The following TECPR1 variants were observed in gnomAD, a reference collection of about 807,000 sequenced individuals.
TECPR1 encodes tectonin beta-propeller repeat-containing protein 1.
TECPR1 carries 122 observed loss-of-function variants against 162.4 expected under a neutral mutation model. The ratio of observed to expected loss-of-function variants is 0.75; its 90% CI spans 0.65 to 0.87. The LOEUF (loss-of-function observed/expected upper bound fraction) is 0.87. Among genes scored for constraint, TECPR1 ranks in the 40% least tolerant of loss-of-function variants. TECPR1 has a pLI of 0.00. For synonymous variants in TECPR1, 642 were observed against 670.6 expected (o/e 0.96, Z 0.66); for missense variants, 1,432 against 1,618.2 (o/e 0.88, Z 1.97).
At chr7:98,237,777 GT>G in intron 9 of TECPR1, among the ~76,000 whole-genome samples, 1 of 147,912 alleles carries the variant, frequency 6.8e-6, no homozygotes, top group East Asian at 2.1e-4. Context: ...AATGTTTTTG[GT>G]TTTTTTTAGA....
At chr7:98,246,249 GTGA>G in intron 2 of TECPR1, 84 bp from the exon 3 acceptor site, 1 of 763,250 alleles carries the variant, frequency 1.3e-6, no homozygotes, top group Non-Finnish European at 2.1e-6. Context: ...GACTTCTACT[GTGA>G]CTATTTATTC....
At position 98,214,818 on chromosome 7, in the gene TECPR1, T is replaced by C. The variant is rs1183488366; in HGVS notation, c.*2572A>G. On this transcript the variant is annotated 3_prime_UTR_variant, in exon 26 of 26. Coordinates refer to ENST00000447648, the MANE Select transcript of TECPR1 (RefSeq NM_015395.3). The stretch of plus-strand genomic sequence containing the variant: ...GGACAATGGCCTCAGTGGCTCTTTC[T>C]TTCTGCCCTGAACTGGCACCTGCAC... The C allele has an allele frequency of 6.6e-6, 1 of 152,436 alleles. No individual in the cohort carries two copies. Among genetic ancestry groups the C allele is most frequent in the Non-Finnish European group, 1.5e-5 (1 of 68,220 alleles). The allele number at this position is 152,436 out of a possible 1,614,324, so 9.4% of individuals were successfully genotyped here.
chr7:98,242,422 C>T (rs1245418077), intron 6 of TECPR1, among the ~76,000 whole-genome samples: 9 of 152,072 alleles, frequency 5.9e-5, no homozygotes, highest in African/African-American at 2.2e-4. Flanking sequence ...CCTACCCACC[C>T]ACCCATCCAT....
At chr7:98,235,809 G>C (rs1480088797) in intron 10 of TECPR1, among the ~76,000 whole-genome samples, 1 of 85,702 alleles carries the variant, frequency 1.2e-5, no homozygotes, top group Admixed American at 1.2e-4. Flanking sequence ...CAGCCTGGAT[G>C]ACAGAGTGAG....
chr7:98,233,152 G>C, intron 11 of TECPR1, 180 bp from the exon 12 acceptor site: 1 of 838,982 alleles, frequency 1.2e-6, no homozygotes, highest in Non-Finnish European at 1.7e-6. Context: ...ATTCAGCCTG[G>C]AAAGCAGCCA....
chr7:98,238,357 G>A, intron 9 of TECPR1, 152 bp downstream of exon 9: 1 of 674,480 alleles, frequency 1.5e-6, no homozygotes, highest in Non-Finnish European at 2.6e-6. Flanking sequence ...GCAGCAGAGG[G>A]AAGCCTGGCA....
Position 98,240,906 on chromosome 7 carries a change from A to G in TECPR1, c.878T>C (p.Val293Ala). 1 of 1,608,686 alleles carries G rather than the reference A, an allele frequency of 6.2e-7. No homozygotes were observed. Among genetic ancestry groups the G allele is most frequent in the Non-Finnish European group, 8.5e-7 (1 of 1,178,792 alleles). The change falls in exon 8 of 26, where the codon GTC becomes GCC. Residue 293 changes from valine (V) to alanine (A), a missense_variant. By Grantham distance (64) the Val-to-Ala change is moderately conservative. Transcript: ENST00000447648. ...GCTGACTCCCACCGAGATGTGCATG[A>G]CCCCGTTTTCAGATCCAGGAGGCTC... ...IVEPPGSENGVMHISVGVSVV... is the reference protein window; with the variant it reads ...IVEPPGSENGAMHISVGVSVV...
At chr7:98,220,897 G>T (rs990266928) in intron 23 of TECPR1, among the ~76,000 whole-genome samples, 2 of 147,180 alleles carry the variant, frequency 1.4e-5, no homozygotes, top group Non-Finnish European at 3.0e-5. Context: ...CACTAAGTTG[G>T]CCAGGCTGGT....
At chr7:98,227,779 G>A (rs989083720) in intron 17 of TECPR1, among the ~76,000 whole-genome samples, 4 of 138,434 alleles carry the variant, frequency 2.9e-5, no homozygotes, top group Admixed American at 2.5e-4. Flanking sequence ...CTGAGATCAT[G>A]CCATGGCACT....
intron 25 of TECPR1, 27 bp from the exon 26 acceptor site, chr7:98,217,530 G>A (rs1303865969): frequency 6.8e-7 from 1 of 1,479,948 alleles, no homozygotes; most frequent in Admixed American, 2.3e-5. Context: ...GTGTCACCAG[G>A]GGACTCGGGG....
chr7:98,220,117 G>A (rs1310091916), intron 23 of TECPR1, among the ~76,000 whole-genome samples: 2 of 151,872 alleles, frequency 1.3e-5, no homozygotes, highest in Admixed American at 6.6e-5. Flanking sequence ...GGAGGTGGGC[G>A]GATCACCTGA....
At chr7:98,224,128 C>T (rs868032957) in intron 19 of TECPR1, among the ~76,000 whole-genome samples, 35 of 152,256 alleles carry the variant, frequency 2.3e-4, no homozygotes, top group African/African-American at 8.2e-4. Flanking sequence ...GGATGAGGCC[C>T]GAGGCTGAGC....
chr7:98,240,976 A>G (rs749747716), intron 7 of TECPR1, 25 bp from the exon 8 acceptor site: 19 of 1,592,692 alleles, frequency 1.2e-5, no homozygotes, highest in Non-Finnish European at 1.5e-5. Flanking sequence ...AGAAACCCCC[A>G]GTGGCCCCCA....
At chr7:98,248,862 A>C (rs1423490133) in intron 2 of TECPR1, among the ~76,000 whole-genome samples, 1 of 151,716 alleles carries the variant, frequency 6.6e-6, no homozygotes, top group Admixed American at 6.6e-5. Flanking sequence ...AAACAAAACA[A>C]AAAACTAGGC....
intron 9 of TECPR1, among the ~76,000 whole-genome samples, chr7:98,237,281 C>T (rs558832329): frequency 6.6e-6 from 1 of 152,088 alleles, no homozygotes; most frequent in Admixed American, 6.6e-5. Context: ...CAGAGGTGGT[C>T]CTGGTTTTGT....
intron 23 of TECPR1, among the ~76,000 whole-genome samples, chr7:98,219,700 G>A (rs1447132307): frequency 6.6e-6 from 1 of 152,004 alleles, no homozygotes; most frequent in African/African-American, 2.4e-5. Context: ...TTGAGAGTTC[G>A]AGACCAGCCT....
chr7:98,243,392 C>CAGGGGGAA, intron 6 of TECPR1, 75 bp downstream of exon 6: 1 of 1,579,966 alleles, frequency 6.3e-7, no homozygotes, highest in Middle Eastern at 2.3e-4. Context: ...GAGCAAGACC[C>CAGGGGGAA]AGGGGGTGCA....
At chr7:98,222,929 C>T (rs1798179648) in intron 21 of TECPR1, 61 bp downstream of exon 21, 1 of 1,586,596 alleles carries the variant, frequency 6.3e-7, no homozygotes, top group African/African-American at 1.3e-5. Context: ...GGTCTGAGCC[C>T]TGCCGGACTC....
chr7:98,232,506 C>T lies in TECPR1; in HGVS notation c.1818+321G>A, dbSNP rs985063449. ...ATCACACGCTACACCCCTGGGCGCC[C>T]GGGGTTCCCTCCAGCAGGAAGAGGA... On this transcript the variant is annotated intron_variant, in intron 12 of 25. Coordinates refer to ENST00000447648, the MANE Select transcript of TECPR1 (RefSeq NM_015395.3). The surrounding 1 kb of genome is among the most constrained non-coding windows in gnomAD (Gnocchi z 4.6). Among the ~76,000 whole-genome samples the T allele has an allele frequency of 5.3e-5, 8 of 152,078 alleles. No homozygotes were observed. Among genetic ancestry groups the T allele is most frequent in the African/African-American group, 1.4e-4 (6 of 41,508 alleles).
Sources: allele counts gnomAD v4.1 joint callset (sites outside exome capture counted in the v4.1 genomes callset), GRCh38; gene constraint gnomAD v4.1.1; non-coding constraint Gnocchi (gnomAD v3.1); transcripts MANE v1.5; gene names NCBI Gene and HGNC (gene_info 2026-07-23, HGNC 2026-07-21).